The following ARHGAP15 variants were observed in gnomAD, a reference collection of about 807,000 sequenced individuals.
ARHGAP15 encodes the protein rho GTPase-activating protein 15.
A neutral mutation model predicts 63.7 loss-of-function variants in ARHGAP15; 51 were observed. The ratio of observed to expected loss-of-function variants is 0.80; its 90% CI spans 0.64 to 1.01. The LOEUF is 1.01. Ranked by LOEUF, ARHGAP15 falls within the 50% of genes least tolerant of loss-of-function variation. The probability of loss-of-function intolerance (pLI) is 0.00; values close to 1 mark genes in which losing one functional copy is unlikely to be tolerated. For missense variants in ARHGAP15, 560 were observed against 564.6 expected (o/e 0.99, Z 0.08); for synonymous variants, 191 against 193.8 (o/e 0.99, Z 0.12).
intron 6 of ARHGAP15, among the ~76,000 whole-genome samples, chr2:143,369,715 A>C (rs1686458668): frequency 6.6e-6 from 1 of 152,164 alleles, no homozygotes; most frequent in Non-Finnish European, 1.5e-5. Context: ...TTATATACTG[A>C]GACCATTTTA....
At chr2:143,619,915 T>A (rs530984225) in intron 11 of ARHGAP15, among the ~76,000 whole-genome samples, 1 of 152,300 alleles carries the variant, frequency 6.6e-6, no homozygotes, top group South Asian at 2.1e-4. Flanking sequence ...ACCTCTTTTC[T>A]TTGTAAATTA....
chr2:143,376,971 T>A (rs73964503), intron 6 of ARHGAP15, among the ~76,000 whole-genome samples: 1 of 151,846 alleles, frequency 6.6e-6, no homozygotes, highest in Admixed American at 6.6e-5. Context: ...AATATTTTGC[T>A]CAGTAAGTAA....
chr2:143,755,138 T>A (rs893530830), intron 13 of ARHGAP15, among the ~76,000 whole-genome samples: 1 of 152,160 alleles, frequency 6.6e-6, no homozygotes, highest in South Asian at 2.1e-4. Context: ...CTTCAAAGAT[T>A]GTTCAACCTT....
chr2:143,653,942 C>T (rs1681301969), intron 12 of ARHGAP15, among the ~76,000 whole-genome samples: 1 of 152,058 alleles, frequency 6.6e-6, no homozygotes, highest in Non-Finnish European at 1.5e-5. Flanking sequence ...ATCCTGAAGG[C>T]AATTAAAATC....
intron 6 of ARHGAP15, among the ~76,000 whole-genome samples, chr2:143,428,568 G>A (rs1689231921): frequency 6.6e-6 from 1 of 151,776 alleles, no homozygotes; most frequent in Non-Finnish European, 1.5e-5. Context: ...GAGAGATGAT[G>A]GTAGTATATA....
At chr2:143,253,045 A>G (rs539942646) in intron 6 of ARHGAP15, among the ~76,000 whole-genome samples, 7 of 152,130 alleles carry the variant, frequency 4.6e-5, no homozygotes, top group Non-Finnish European at 8.8e-5. Context: ...CTGATGTGCT[A>G]CATTGGAAAT....
chr2:143,389,775 T>C (rs1383357389), intron 6 of ARHGAP15, among the ~76,000 whole-genome samples: 1 of 152,154 alleles, frequency 6.6e-6, no homozygotes, highest in Non-Finnish European at 1.5e-5. Flanking sequence ...GATATTTTTT[T>C]CACCAGAAGT....
chr2:143,664,045 C>T (rs1261938786), intron 12 of ARHGAP15, among the ~76,000 whole-genome samples: 1 of 151,204 alleles, frequency 6.6e-6, no homozygotes, highest in African/African-American at 2.4e-5. Flanking sequence ...TTGAACTCAG[C>T]TCTGCACCAA....
intron 3 of ARHGAP15, among the ~76,000 whole-genome samples, chr2:143,203,817 T>G (rs1289490383): frequency 2.6e-5 from 4 of 152,104 alleles, no homozygotes; most frequent in Non-Finnish European, 5.9e-5. Flanking sequence ...GTGTTGTAGC[T>G]TTAGACCATG....
Position 143,435,643 on chromosome 2 carries a change from A to G in ARHGAP15, c.517A>G (p.Ile173Val). 1.2e-6 allele frequency: 2 copies of G among 1,601,948 alleles called. No homozygotes were observed. Among genetic ancestry groups the G allele is most frequent in the East Asian group, 2.3e-5 (1 of 44,330 alleles). ...SGNEFLLQSD[I>V]DFIILDWFHA... ...AAATGAGTTCCTTCTACAGTCAGAT[A>G]TTGACTTCATCATATTGGATTGGTT... Residue 173 changes from isoleucine to valine, a missense_variant, in exon 7 of 14, where the codon ATT becomes GTT. By Grantham distance (29) the Ile-to-Val change is conservative (BLOSUM62 3). Coordinates refer to ENST00000295095, the MANE Select transcript of ARHGAP15 (RefSeq NM_018460.4).
At chr2:143,292,066 C>A (rs543302102) in intron 6 of ARHGAP15, among the ~76,000 whole-genome samples, 4 of 151,804 alleles carry the variant, frequency 2.6e-5, no homozygotes, top group African/African-American at 9.7e-5. Flanking sequence ...AGCCAAGTGC[C>A]CCAAATTAAT....
At chr2:143,669,218 A>C (rs890492925) in intron 12 of ARHGAP15, among the ~76,000 whole-genome samples, 4 of 152,164 alleles carry the variant, frequency 2.6e-5, no homozygotes, top group African/African-American at 7.2e-5. Context: ...GGTATAGAAA[A>C]CTTATTTACC....
intron 11 of ARHGAP15, among the ~76,000 whole-genome samples, chr2:143,618,506 T>C (rs1022493559): frequency 6.6e-6 from 1 of 152,230 alleles, no homozygotes; most frequent in Admixed American, 6.5e-5. Context: ...AGATCAGGGC[T>C]ATTCTTTCTG....
chr2:143,759,429 T>C (rs1686684806), intron 13 of ARHGAP15, among the ~76,000 whole-genome samples: 1 of 152,094 alleles, frequency 6.6e-6, no homozygotes, highest in South Asian at 2.1e-4. Context: ...AGATACAGAA[T>C]TATATAAAGT....
intron 8 of ARHGAP15, among the ~76,000 whole-genome samples, chr2:143,481,010 G>A (rs1692053940): frequency 6.6e-6 from 1 of 152,166 alleles, no homozygotes; most frequent in African/African-American, 2.4e-5. Flanking sequence ...TGTGAGTGGA[G>A]ATAATTCAGT....
intron 8 of ARHGAP15, among the ~76,000 whole-genome samples, chr2:143,450,822 C>T (rs1223317369): frequency 6.6e-6 from 1 of 151,916 alleles, no homozygotes; most frequent in Non-Finnish European, 1.5e-5. Context: ...AAAACTGAGA[C>T]AAATCCATCC....
chr2:143,293,701 G>A (rs1477130090), intron 6 of ARHGAP15, among the ~76,000 whole-genome samples: 3 of 151,938 alleles, frequency 2.0e-5, no homozygotes, highest in African/African-American at 7.2e-5. Context: ...AGGGTCTTCA[G>A]GCTGGGTGTT....
At chr2:143,502,234 C>A (rs1176153708) in intron 9 of ARHGAP15, among the ~76,000 whole-genome samples, 1 of 151,888 alleles carries the variant, frequency 6.6e-6, no homozygotes, top group Non-Finnish European at 1.5e-5. Flanking sequence ...CATGATGAAA[C>A]CCCATCTCCA....
intron 13 of ARHGAP15, among the ~76,000 whole-genome samples, chr2:143,767,045 A>AT (rs921567451): frequency 6.6e-6 from 1 of 152,026 alleles, no homozygotes; most frequent in African/African-American, 2.4e-5. Flanking sequence ...CTACACTCTT[A>AT]TTTCCCTTGG....
Sources: gnomAD v4.1 joint callset for allele counts (sites outside exome capture counted in the v4.1 genomes callset) on GRCh38, gnomAD v4.1.1 for gene constraint, MANE v1.5 for transcripts, NCBI Gene and HGNC (gene_info 2026-07-23, HGNC 2026-07-21) for gene names.